TOP1MT: variants seen among roughly 807,000 people sequenced by gnomAD.
TOP1MT encodes DNA topoisomerase I mitochondrial.
TOP1MT carries 80 observed loss-of-function variants against 73.9 expected under a neutral mutation model. That is an observed-to-expected ratio of 1.08 (90% confidence interval 0.90 to 1.30). The LOEUF is 1.30. Among genes scored for constraint, TOP1MT ranks in the 50% most tolerant of loss-of-function variants. The probability of loss-of-function intolerance (pLI) is 0.00; values close to 1 mark genes in which losing one functional copy is unlikely to be tolerated. For synonymous variants in TOP1MT, 338 were observed against 326.4 expected (o/e 1.04, Z -0.38); for missense variants, 815 against 808.0 (o/e 1.01, Z -0.10).
At chr8:143,347,194 G>A (rs373087026), upstream of TOP1MT, among the ~76,000 whole-genome samples, 13 of 151,914 alleles carry the variant, frequency 8.6e-5, no homozygotes, top group South Asian at 4.2e-4. Flanking sequence ...TCACTCTGTC[G>A]CCCAGGCTGG....
At chr8:143,346,002 T>C (rs576660260), upstream of TOP1MT, among the ~76,000 whole-genome samples, 1 of 152,332 alleles carries the variant, frequency 6.6e-6, no homozygotes, top group Non-Finnish European at 1.5e-5. Flanking sequence ...ATTCTGAGTG[T>C]GGCAGTGGCT....
chr8:143,322,648 C>CAT lies in TOP1MT; in HGVS notation c.961-1263_961-1262insAT, dbSNP rs1491208487. Among the ~76,000 whole-genome samples, 54 of 109,486 alleles carry CAT rather than the reference C, an allele frequency of 4.9e-4. 2 individuals are homozygous for CAT. In the East Asian group the frequency reaches 0.013, roughly 27 times the overall value. 71.8% of individuals were successfully genotyped at this position (109,486 alleles called of 152,430 possible). A position where few individuals can be genotyped will look rare whatever the true frequency, so the allele number is the denominator to read the frequency against. On this transcript the variant is annotated intron_variant, in intron 7 of 13. Transcript: ENST00000329245. ...AGGCACGTCACACACACACGCCACA[C>CAT]GCACACCACACACGCACGCCACACA...
upstream of TOP1MT, among the ~76,000 whole-genome samples, chr8:143,347,351 T>G (rs947905489): frequency 6.6e-6 from 1 of 152,118 alleles, no homozygotes; most frequent in Non-Finnish European, 1.5e-5. Context: ...GAGACAGGGT[T>G]TCACCATGTT....
Position 143,321,399 on chromosome 8 carries a change from G to C in TOP1MT, c.961-13C>G. The C allele has an allele frequency of 6.4e-7, 1 of 1,569,876 alleles. No homozygotes were observed. Among genetic ancestry groups the C allele is most frequent in the East Asian group, 2.3e-5 (1 of 44,162 alleles). On this transcript the variant is annotated splice_polypyrimidine_tract_variant and intron_variant, in intron 7 of 13. Coordinates refer to ENST00000329245, the MANE Select transcript of TOP1MT (RefSeq NM_052963.3). ...CTCTCAGTGCCAGCTAGTTGGTGGGGAATGGTCAAAGTGGGTGGTGCGTGC... is the reference window on the plus strand; with the variant it reads ...CTCTCAGTGCCAGCTAGTTGGTGGGCAATGGTCAAAGTGGGTGGTGCGTGC...
chr8:143,325,321 G>A (rs774708072), intron 5 of TOP1MT, 25 bp downstream of exon 5: 23 of 1,571,180 alleles, frequency 1.5e-5, no homozygotes, highest in African/African-American at 9.5e-5. Context: ...TCCAGTGCCC[G>A]CCTGCTGCCC....
chr8:143,313,263 A>C (rs1816059647), intron 12 of TOP1MT, among the ~76,000 whole-genome samples: 1 of 152,198 alleles, frequency 6.6e-6, no homozygotes, highest in Non-Finnish European at 1.5e-5. Context: ...GAAAGAAGAA[A>C]GATGTGGCCG....
upstream of TOP1MT, chr8:143,359,308 G>A (rs1411164860): frequency 3.0e-6 from 3 of 985,282 alleles, no homozygotes; most frequent in East Asian, 3.4e-4. Flanking sequence ...TCCAGGAGAA[G>A]GGAGGCAGGT....
In TOP1MT at chr8:143,342,203, TATTATTA is replaced by T. The variant is rs1225362923; in HGVS notation, c.29+1010_29+1016del. On this transcript the variant is annotated intron_variant, in intron 2 of 5. Coordinates refer to the TOP1MT transcript ENST00000518007. ...TTAGAGACAGTCTCGCTGTTATTAT[TATTATTA>T]GAGACAGAGTCTCGCTCTATTATTA... 1.7e-4 allele frequency among the ~76,000 whole-genome samples: 23 copies of T among 136,240 alleles called. No individual in the cohort carries two copies. The East Asian group carries it at 4.4e-3, about 26-fold the overall frequency. The allele number at this position is 136,240 out of a possible 152,430, so 89.4% of individuals were successfully genotyped here.
intron 13 of TOP1MT, 96 bp from the exon 14 acceptor site, chr8:143,309,639 C>CAG (rs1468447458): frequency 2.6e-6 from 4 of 1,565,400 alleles, no homozygotes; most frequent in Non-Finnish European, 3.4e-6. Flanking sequence ...CTCCATGCAG[C>CAG]AGAGACACCA....
chr8:143,332,640 G>A (rs962132890), intron 1 of TOP1MT: 3 of 1,152,946 alleles, frequency 2.6e-6, no homozygotes, highest in Admixed American at 2.3e-5. Flanking sequence ...ATTTCTGAAA[G>A]GGCCTTTCTG....
intron 7 of TOP1MT, among the ~76,000 whole-genome samples, chr8:143,321,957 GCCACACACATGCTCA>G (rs1462326878): frequency 1.1e-5 from 1 of 94,462 alleles, no homozygotes; most frequent in East Asian, 3.9e-4. Flanking sequence ...ACACACGCAC[GCCACACACATGCTCA>G]CCACACGCAC....
At chr8:143,331,130 A>T (rs1435659710) in intron 2 of TOP1MT, 94 bp downstream of exon 2, 1 of 951,948 alleles carries the variant, frequency 1.1e-6, no homozygotes, top group Non-Finnish European at 1.6e-6. Context: ...AGAAGCCTGC[A>T]GGGGGGCTGA....
intron 1 of TOP1MT, among the ~76,000 whole-genome samples, chr8:143,353,075 A>G (rs943966625): frequency 2.6e-5 from 4 of 152,232 alleles, no homozygotes; most frequent in Non-Finnish European, 2.9e-5. Context: ...TGGAATATAC[A>G]AAACACTCTT....
upstream of TOP1MT, among the ~76,000 whole-genome samples, chr8:143,347,463 T>G (rs1424304266): frequency 6.6e-6 from 1 of 152,194 alleles, no homozygotes; most frequent in Non-Finnish European, 1.5e-5. Flanking sequence ...CTAATTTTTG[T>G]ATTTTTTAGT....
upstream of TOP1MT, among the ~76,000 whole-genome samples, chr8:143,346,073 T>A (rs1257906373): frequency 6.6e-6 from 1 of 152,178 alleles, no homozygotes; most frequent in Non-Finnish European, 1.5e-5. Flanking sequence ...GTACAGTTTA[T>A]CACGTGTAGA....
intron 7 of TOP1MT, among the ~76,000 whole-genome samples, chr8:143,323,600 C>CGCACGCCACACACAT (rs1816606478): frequency 3.0e-5 from 2 of 66,422 alleles, no homozygotes; most frequent in Non-Finnish European, 3.5e-5. Flanking sequence ...CACACACACA[C>CGCACGCCACACACAT]GCACGCCACA....
upstream of TOP1MT, among the ~76,000 whole-genome samples, chr8:143,337,366 C>G (rs1045531437): frequency 3.7e-4 from 57 of 152,112 alleles, no homozygotes; most frequent in African/African-American, 1.0e-3. Flanking sequence ...GATCACGCTA[C>G]TACACTCCAG....
intron 12 of TOP1MT, among the ~76,000 whole-genome samples, chr8:143,314,791 G>A (rs568394427): frequency 8.5e-5 from 13 of 152,134 alleles, no homozygotes; most frequent in East Asian, 7.7e-4. Flanking sequence ...TCATAGATAT[G>A]ATTATATATG....
intron 7 of TOP1MT, 52 bp downstream of exon 7, chr8:143,323,947 T>TCGCCAGGAGAACCAGGATGAAGAGC: frequency 6.2e-7 from 1 of 1,602,552 alleles, no homozygotes; most frequent in East Asian, 2.2e-5. Context: ...CTGGGAGTCC[T>TCGCCAGGAGAACCAGGATGAAGAGC]CGCCAGGAGA....
Sources: allele counts gnomAD v4.1 joint callset (sites outside exome capture counted in the v4.1 genomes callset), GRCh38; gene constraint gnomAD v4.1.1; transcripts MANE v1.5; gene names NCBI Gene and HGNC (gene_info 2026-07-23, HGNC 2026-07-21).